The following PLLP variants were observed in gnomAD, a reference collection of about 807,000 sequenced individuals.
PLLP encodes the protein plasma membrane proteolipid (plasmolipin).
Under a neutral mutation model 19.7 loss-of-function variants are expected in PLLP, and 15 were observed. The ratio of observed to expected loss-of-function variants is 0.76; its 90% CI spans 0.51 to 1.17. The LOEUF (loss-of-function observed/expected upper bound fraction) is 1.17. Ranked by LOEUF, PLLP falls within the 50% of genes most tolerant of loss-of-function variation. The probability of loss-of-function intolerance (pLI) is 0.00; values close to 1 mark genes in which losing one functional copy is unlikely to be tolerated. For missense variants in PLLP, 255 were observed against 258.3 expected (o/e 0.99, Z 0.09); for synonymous variants, 111 against 116.3 (o/e 0.95, Z 0.29).
At chr16:57,275,168 TTC>T (rs1901135360) in intron 1 of PLLP, among the ~76,000 whole-genome samples, 1 of 152,032 alleles carries the variant, frequency 6.6e-6, no homozygotes. Context: ...TGTGTACTTC[TTC>T]CACACAAATG....
At chr16:57,271,574 G>A (rs2075476036) in intron 1 of PLLP, among the ~76,000 whole-genome samples, 1 of 152,058 alleles carries the variant, frequency 6.6e-6, no homozygotes, top group African/African-American at 2.4e-5. Context: ...GAACCTGGAA[G>A]GCAGAGGTTA....
chr16:57,271,315 T>C (rs1480716024), intron 1 of PLLP, among the ~76,000 whole-genome samples: 1 of 151,964 alleles, frequency 6.6e-6, no homozygotes. Flanking sequence ...ACTACCACCT[T>C]ATCCTTGCTG....
intron 1 of PLLP, among the ~76,000 whole-genome samples, chr16:57,269,568 C>T (rs11641862): frequency 2.0e-4 from 30 of 152,152 alleles, no homozygotes; most frequent in African/African-American, 4.3e-4. Context: ...CAGAGAGGGA[C>T]GCCACGAGGC....
chr16:57,272,328 G>A (rs1236378328), intron 1 of PLLP, among the ~76,000 whole-genome samples: 1 of 152,192 alleles, frequency 6.6e-6, no homozygotes, highest in East Asian at 1.9e-4. Context: ...TTTGAAGAGA[G>A]CATCACTGCT....
chr16:57,277,475 C>T (rs1360484882), intron 1 of PLLP, among the ~76,000 whole-genome samples: 5 of 152,146 alleles, frequency 3.3e-5, no homozygotes, highest in Non-Finnish European at 7.3e-5. Context: ...CCTGTAATCC[C>T]AGCTACTTAA....
chr16:57,274,285 A>AT (rs773635223), intron 1 of PLLP, among the ~76,000 whole-genome samples: 54 of 151,918 alleles, frequency 3.6e-4, no homozygotes, highest in African/African-American at 1.3e-3. Context: ...ACCTGGCCCT[A>AT]TTTTTTTCTT....
rs1172745638 is a variant in PLLP, at chr16:57,258,720, G to C, written c.310-136C>G. 5 of 820,352 alleles carry C rather than the reference G, an allele frequency of 6.1e-6. No homozygotes were observed. In the African/African-American group the frequency reaches 8.4e-5, roughly 14 times the overall value. 50.8% of individuals were successfully genotyped at this position (820,352 alleles called of 1,614,324 possible). ...AAGGATCGCTTGAGCCCAGGAGTTA[G>C]AGACCAGCCTGGGGAACATAGGTAG... On this transcript the variant is annotated intron_variant, in intron 2 of 3. Transcript: ENST00000219207.
chr16:57,261,968 T>C lies in PLLP; in HGVS notation c.238A>G (p.Thr80Ala), dbSNP rs769963701. The change falls in exon 2 of 4, where the codon ACA becomes GCA. Residue 80 changes from threonine (T) to alanine (A), a missense_variant. Thr to Ala is a moderately conservative substitution (Grantham distance 58, BLOSUM62 0). Transcript: ENST00000219207. Reference protein sequence around the residue: ...MFVAVFLWLVTIVLFNLYLFQ... With the variant: ...MFVAVFLWLVAIVLFNLYLFQ... ...AGGTAGAGGTTGAAGAGGACGATTG[T>C]CACCAGCCAGAGGAAGACAGCGACG... is the stretch of plus-strand genomic sequence containing the variant. The C allele has an allele frequency of 5.0e-6, 8 of 1,614,016 alleles. No individual in the cohort carries two copies.
rs553833235 is a variant in PLLP at position 57,275,668 on chromosome 16, G to A, written c.135+8738C>T. On this transcript the variant is annotated intron_variant, in intron 1 of 3. Transcript: ENST00000219207. ...AAAAAAAAAAAAAAAAAAACACCAT[G>A]AGAGGGGGAAAAAAACCCAGCAAAA... Among the ~76,000 whole-genome samples the A allele has an allele frequency of 1.6e-4, 17 of 105,880 alleles. No homozygotes were observed. In the South Asian group the frequency reaches 3.4e-3, roughly 21 times the overall value. 69.5% of individuals were successfully genotyped at this position (105,880 alleles called of 152,430 possible). A position where few individuals can be genotyped will look rare whatever the true frequency, so the allele number is the denominator to read the frequency against.
intron 2 of PLLP, 104 bp downstream of exon 2, chr16:57,261,793 G>T: frequency 1.0e-6 from 1 of 973,736 alleles, no homozygotes; most frequent in Non-Finnish European, 1.6e-6. Context: ...ATCAGCTTAG[G>T]TCAGTGAGGA....
intron 1 of PLLP, among the ~76,000 whole-genome samples, chr16:57,279,022 T>C (rs1901186853): frequency 6.6e-6 from 1 of 152,230 alleles, no homozygotes; most frequent in African/African-American, 2.4e-5. Flanking sequence ...TCTGGAAGCA[T>C]GCAAGTTCAT....
At chr16:57,275,926 G>A (rs1473918593) in intron 1 of PLLP, among the ~76,000 whole-genome samples, 1 of 152,170 alleles carries the variant, frequency 6.6e-6, no homozygotes, top group Non-Finnish European at 1.5e-5. Flanking sequence ...GACCAGCCTG[G>A]GCAATATAGT....
At position 57,256,647 on chromosome 16, in the gene PLLP, G is replaced by A; in HGVS notation, c.*266C>T. ...CCTCTAAAGACAAGGCAGAGACACA[G>A]CCTCAGATCCCCCGTCATCTTCCAC... On this transcript the variant is annotated 3_prime_UTR_variant, in exon 4 of 4. Coordinates refer to ENST00000219207, the MANE Select transcript of PLLP (RefSeq NM_015993.3). The A allele has an allele frequency of 2.2e-6, 1 of 459,932 alleles. No individual in the cohort carries two copies. Among genetic ancestry groups the A allele is most frequent in the East Asian group, 3.6e-5 (1 of 28,110 alleles). The allele number at this position is 459,932 out of a possible 1,614,324, so 28.5% of individuals were successfully genotyped here.
At chr16:57,260,384 G>A (rs1474724804) in intron 2 of PLLP, among the ~76,000 whole-genome samples, 1 of 152,130 alleles carries the variant, frequency 6.6e-6, no homozygotes, top group Non-Finnish European at 1.5e-5. Context: ...TCTCTTAGAG[G>A]TCCCTGGGAC....
chr16:57,278,094 C>G (rs1330330286), intron 1 of PLLP, among the ~76,000 whole-genome samples: 1 of 152,092 alleles, frequency 6.6e-6, no homozygotes, highest in Non-Finnish European at 1.5e-5. Flanking sequence ...AATCCCAGCA[C>G]TTTGGGAGGC....
chr16:57,275,118 C>T (rs1332393572), intron 1 of PLLP, among the ~76,000 whole-genome samples: 7 of 124,304 alleles, frequency 5.6e-5, no homozygotes, highest in African/African-American at 1.5e-4. Context: ...CACACACACA[C>T]ACACACACAC....
intron 1 of PLLP, among the ~76,000 whole-genome samples, chr16:57,272,511 C>T (rs2075479093): frequency 6.6e-6 from 1 of 152,208 alleles, no homozygotes; most frequent in Non-Finnish European, 1.5e-5. Flanking sequence ...TCCCGTGCAC[C>T]CTGGCCTCGG....
intron 1 of PLLP, among the ~76,000 whole-genome samples, chr16:57,280,647 A>G (rs1306098298): frequency 6.6e-6 from 1 of 152,152 alleles, no homozygotes; most frequent in African/African-American, 2.4e-5. Flanking sequence ...CTTTTTGCCT[A>G]GGCTGCTAGG....
chr16:57,258,396 C>T (rs1318230960), intron 3 of PLLP, 66 bp downstream of exon 3: 20 of 1,555,326 alleles, frequency 1.3e-5, no homozygotes, highest in Non-Finnish European at 1.7e-5. Flanking sequence ...TCAGACCAAG[C>T]GAGCAGCCTG....
Sources: gnomAD v4.1 joint callset for allele counts (sites outside exome capture counted in the v4.1 genomes callset) on GRCh38, gnomAD v4.1.1 for gene constraint, MANE v1.5 for transcripts, NCBI Gene and HGNC (gene_info 2026-07-23, HGNC 2026-07-21) for gene names.